Variants in ATP2B2 observed in about 807,000 individuals in gnomAD.
ATP2B2 encodes ATPase plasma membrane Ca2+ transporting 2.
Under a neutral mutation model 120.0 loss-of-function variants are expected in ATP2B2, and 15 were observed. That is an observed-to-expected ratio of 0.12 (90% CI 0.08 to 0.19). The LOEUF (loss-of-function observed/expected upper bound fraction) is 0.19. Among genes scored for constraint, ATP2B2 ranks in the 10% least tolerant of loss-of-function variants. ATP2B2 has a pLI of 1.00. For missense variants in ATP2B2, 1,045 were observed against 1,719.8 expected, an observed-to-expected ratio of 0.61 and a Z score of 6.94; for synonymous variants, 694 against 700.3, an observed-to-expected ratio of 0.99 and a Z score of 0.14.
intron 1 of ATP2B2, among the ~76,000 whole-genome samples, chr3:10,697,110 C>T (rs2071752593): frequency 1.3e-5 from 2 of 152,172 alleles, no homozygotes; most frequent in Admixed American, 6.5e-5. Flanking sequence ...AAGACCATGG[C>T]TCCTCAAGCC....
intron 14 of ATP2B2, among the ~76,000 whole-genome samples, chr3:10,357,708 G>C (rs1285426016): frequency 6.6e-6 from 1 of 152,200 alleles, no homozygotes; most frequent in African/African-American, 2.4e-5. Context: ...TCTGGACCTA[G>C]CAGCTGAGTG....
intron 22 of ATP2B2, 146 bp downstream of exon 22, chr3:10,338,030 G>T: frequency 1.0e-6 from 1 of 978,222 alleles, no homozygotes; most frequent in Non-Finnish European, 1.5e-6. Flanking sequence ...TGTGCAAGTG[G>T]CTGGTGAGAG....
chr3:10,471,905 C>G (rs1482732782), intron 1 of ATP2B2, among the ~76,000 whole-genome samples: 1 of 151,496 alleles, frequency 6.6e-6, no homozygotes, highest in Non-Finnish European at 1.5e-5. Context: ...ACGGTGAAAC[C>G]CCGTCTCTAC....
At chr3:10,407,466 G>A (rs745630322) in intron 3 of ATP2B2, among the ~76,000 whole-genome samples, 1 of 152,036 alleles carries the variant, frequency 6.6e-6, no homozygotes, top group Non-Finnish European at 1.5e-5. Context: ...TGACAGGGCC[G>A]GCGTTGCTCC....
At chr3:10,664,558 C>T (rs80077778) in intron 1 of ATP2B2, among the ~76,000 whole-genome samples, 7,816 of 152,294 alleles carry the variant, frequency 0.051, 389 homozygotes, top group African/African-American at 0.13. Flanking sequence ...GCAGGTTACA[C>T]AGCTCCCCTC....
intron 2 of ATP2B2, among the ~76,000 whole-genome samples, chr3:10,545,486 G>A (rs2067525087): frequency 6.6e-6 from 1 of 150,792 alleles, no homozygotes; most frequent in African/African-American, 2.4e-5. Flanking sequence ...CCAAGATCGT[G>A]CCTTTGCACT....
Position 10,343,717 on chromosome 3 carries a change from G to A in ATP2B2, c.2704-752C>T, listed in dbSNP as rs574138290. On this transcript the variant is annotated intron_variant, in intron 18 of 22. Coordinates refer to ENST00000360273, the MANE Select transcript of ATP2B2 (RefSeq NM_001001331.4). This position sits in a 1 kb window ranked among gnomAD's most constrained non-coding sequence, Gnocchi z 4.2. ...CGTTCCCAGAATGCCCTCCGCCCAC[G>A]TCACCAGCACCTTCTGTGCCACGAG... Among the ~76,000 whole-genome samples, 8 of 152,072 alleles carry A rather than the reference G, an allele frequency of 5.3e-5. No homozygotes were observed. The highest frequency in any genetic ancestry group is 3.9e-4 in the East Asian group (2 of 5,160).
intron 2 of ATP2B2, among the ~76,000 whole-genome samples, chr3:10,613,442 T>A (rs1317760722): frequency 6.6e-6 from 1 of 151,950 alleles, no homozygotes; most frequent in Non-Finnish European, 1.5e-5. Flanking sequence ...GTAGTTGGCA[T>A]CTAAGTGGGG....
At chr3:10,459,143 G>C (rs1170093627) in intron 1 of ATP2B2, among the ~76,000 whole-genome samples, 1 of 152,238 alleles carries the variant, frequency 6.6e-6, no homozygotes, top group African/African-American at 2.4e-5. Flanking sequence ...AGGAAGGCAT[G>C]ACCTGACCGG....
At chr3:10,360,213 C>A (rs912175556) in intron 12 of ATP2B2, 90 bp from the exon 13 acceptor site, 1 of 1,495,200 alleles carries the variant, frequency 6.7e-7, no homozygotes, top group Non-Finnish European at 8.9e-7. Context: ...GGGACTGCCA[C>A]TTAGGTGGTC....
chr3:10,410,178 G>A (rs535944858), intron 3 of ATP2B2, among the ~76,000 whole-genome samples: 1 of 152,142 alleles, frequency 6.6e-6, no homozygotes, highest in African/African-American at 2.4e-5. Flanking sequence ...AGGTTTTTGG[G>A]GAACAGGTGG....
At chr3:10,513,811 G>A (rs768368855) in intron 3 of ATP2B2, among the ~76,000 whole-genome samples, 1 of 152,160 alleles carries the variant, frequency 6.6e-6, no homozygotes, top group Non-Finnish European at 1.5e-5. Context: ...GTAGGCTCAG[G>A]ACTCTCAATC....
At chr3:10,369,685 C>A (rs1487647192) in intron 12 of ATP2B2, among the ~76,000 whole-genome samples, 1 of 152,230 alleles carries the variant, frequency 6.6e-6, no homozygotes, top group African/African-American at 2.4e-5. Context: ...AACTAACTCA[C>A]TTTATCCTCA....
chr3:10,412,559 T>A (rs1469449360), intron 2 of ATP2B2, among the ~76,000 whole-genome samples: 1 of 152,144 alleles, frequency 6.6e-6, no homozygotes, highest in East Asian at 1.9e-4. Context: ...CTCAGCACTG[T>A]GAGCCCCTCT....
At chr3:10,359,369 A>G (rs779942699) in intron 13 of ATP2B2, among the ~76,000 whole-genome samples, 4 of 152,060 alleles carry the variant, frequency 2.6e-5, no homozygotes, top group Non-Finnish European at 5.9e-5. Context: ...TCCAATGTGT[A>G]CCCAGGGCTG....
At chr3:10,477,337 C>A (rs2065242558) in intron 1 of ATP2B2, among the ~76,000 whole-genome samples, 1 of 152,242 alleles carries the variant, frequency 6.6e-6, no homozygotes, top group African/African-American at 2.4e-5. Flanking sequence ...ACAAGTAGGT[C>A]TATGAGCATT....
intron 1 of ATP2B2, among the ~76,000 whole-genome samples, chr3:10,656,826 C>A (rs1312785660): frequency 1.3e-5 from 2 of 152,226 alleles, no homozygotes; most frequent in East Asian, 3.9e-4. Flanking sequence ...CAAGAAGAAG[C>A]CAGCCCTGGG....
intron 1 of ATP2B2, among the ~76,000 whole-genome samples, chr3:10,475,572 C>T (rs978007704): frequency 6.6e-6 from 1 of 152,236 alleles, no homozygotes; most frequent in African/African-American, 2.4e-5. Flanking sequence ...AGGTCACTGC[C>T]TTGCTCTGGG....
chr3:10,417,651 A>T (rs2062835945), intron 2 of ATP2B2, among the ~76,000 whole-genome samples: 1 of 152,144 alleles, frequency 6.6e-6, no homozygotes, highest in South Asian at 2.1e-4. Flanking sequence ...TCAATCACCG[A>T]ATTTTGATTG....
Sources: allele counts gnomAD v4.1 joint callset (sites outside exome capture counted in the v4.1 genomes callset), GRCh38; gene constraint gnomAD v4.1.1; non-coding constraint Gnocchi (gnomAD v3.1); transcripts MANE v1.5; gene names NCBI Gene and HGNC (gene_info 2026-07-23, HGNC 2026-07-21).